Variants in RALGPS2 observed in about 807,000 individuals in gnomAD.
RALGPS2 encodes the protein ras-specific guanine nucleotide-releasing factor RalGPS2.
RALGPS2 carries 43 observed loss-of-function variants against 86.8 expected under a neutral mutation model. The ratio of observed to expected loss-of-function variants is 0.50; its 90% CI spans 0.39 to 0.64. The LOEUF (loss-of-function observed/expected upper bound fraction) is 0.64, where lower values mean the gene tolerates loss of function less well. Ranked by LOEUF, RALGPS2 falls within the 30% of genes least tolerant of loss-of-function variation. The pLI is 0.00. For synonymous variants in RALGPS2, 243 were observed against 231.3 expected (o/e 1.05, Z -0.46); for missense variants, 536 against 694.6 (o/e 0.77, Z 2.57).
At position 178,865,020 on chromosome 1, in the gene RALGPS2, G is replaced by A. The variant is rs138256408; in HGVS notation, c.608-12478G>A. ...TTGGTGGGAGAAGTTGCCAGATCAG[G>A]TGGTGGCATTAAATCTCTGGGATAA... On this transcript the variant is annotated intron_variant, in intron 8 of 19. Transcript: ENST00000367635. 1.4e-3 allele frequency: 2,101 copies of A among 1,484,212 alleles called. 4 individuals are homozygous for A. Among genetic ancestry groups the A allele is most frequent in the Middle Eastern group, 0.01 (56 of 5,508 alleles). 91.9% of individuals were successfully genotyped at this position (1,484,212 alleles called of 1,614,324 possible).
rs894535331 is a variant in RALGPS2, at chr1:178,877,421, C to A, written c.608-77C>A. The A allele has an allele frequency of 3.2e-6, 5 of 1,575,270 alleles. No homozygotes were observed. The African/African-American group carries it at 6.8e-5, about 22-fold the overall frequency. ...TACAGTGGAATATATCTATAAACAA[C>A]CCCTTCCCCCCTTTTCTTTGTCATA... On this transcript the variant is annotated intron_variant, in intron 8 of 19. Coordinates refer to ENST00000367635, the MANE Select transcript of RALGPS2 (RefSeq NM_152663.5).
Position 178,806,698 on chromosome 1 carries a change from G to T in RALGPS2, c.214-1347G>T, listed in dbSNP as rs141955764. Among the ~76,000 whole-genome samples the T allele has an allele frequency of 9.1e-3, 1,388 of 151,932 alleles. 25 individuals are homozygous for T. Among genetic ancestry groups the T allele is most frequent in the African/African-American group, 0.03 (1,223 of 41,440 alleles). The stretch of plus-strand genomic sequence containing the variant: ...AGTGGGTACAATGTCTTTTTCTCAT[G>T]TATTAAAAAATAATAATTATATGGT... On this transcript the variant is annotated intron_variant, in intron 4 of 19. Transcript: ENST00000367635.
intron 19 of RALGPS2, among the ~76,000 whole-genome samples, chr1:178,914,626 C>A (rs1399349626): frequency 6.6e-6 from 1 of 152,042 alleles, no homozygotes; most frequent in Admixed American, 6.6e-5. Flanking sequence ...GTGGGAGAAG[C>A]TCTTCCTGGC....
At chr1:178,897,621 C>T (rs1660004951) in intron 16 of RALGPS2, 43 bp from the exon 17 acceptor site, 21 of 1,489,184 alleles carry the variant, frequency 1.4e-5, no homozygotes, top group Non-Finnish European at 2.0e-5. Flanking sequence ...ACTAAGAAGC[C>T]AGGAGCATTG....
chr1:178,793,423 A>G (rs1418967034), intron 4 of RALGPS2, among the ~76,000 whole-genome samples: 1 of 147,232 alleles, frequency 6.8e-6, no homozygotes, highest in African/African-American at 2.5e-5. Context: ...TTTTTTTTTA[A>G]GAAATGGGGT....
In RALGPS2 at chr1:178,885,125, T is replaced by C. The variant is rs1219823604; in HGVS notation, c.954T>C (p.Ala318=). 6.2e-7 allele frequency: 1 copy of C among 1,612,834 alleles called. No individual in the cohort carries two copies. The highest frequency in any genetic ancestry group is 1.1e-5 in the South Asian group (1 of 90,820). ...AGAGTGGACGAAAAAGTGTGGCAGCTGAAGGAGCCTTGCTCCCACAGACAC... is the reference window on the plus strand; with the variant it reads ...AGAGTGGACGAAAAAGTGTGGCAGCCGAAGGAGCCTTGCTCCCACAGACAC... ...SPQSGRKSVA[A]EGALLPQTPP... is the part of the protein sequence containing the mutation. The change falls in exon 12 of 20, where the codon GCT becomes GCC. Residue 318 remains alanine (A), a synonymous_variant. Coordinates refer to ENST00000367635, the MANE Select transcript of RALGPS2 (RefSeq NM_152663.5).
intron 19 of RALGPS2, among the ~76,000 whole-genome samples, chr1:178,909,945 G>A (rs972974460): frequency 2.0e-5 from 3 of 152,060 alleles, no homozygotes; most frequent in Admixed American, 1.3e-4. Context: ...CACTGTGCCC[G>A]GCTTGTAATT....
At chr1:178,806,770 G>A (rs146344837) in intron 4 of RALGPS2, among the ~76,000 whole-genome samples, 21 of 151,802 alleles carry the variant, frequency 1.4e-4, no homozygotes, top group Middle Eastern at 3.4e-3. Context: ...GCCCTAACTC[G>A]TTCTCTGCCC....
chr1:178,830,201 T>C (rs1199209565), intron 7 of RALGPS2, among the ~76,000 whole-genome samples: 1 of 152,186 alleles, frequency 6.6e-6, no homozygotes, highest in Non-Finnish European at 1.5e-5. Context: ...GCAATTTAAA[T>C]TTGTCAGTTA....
intron 6 of RALGPS2, among the ~76,000 whole-genome samples, chr1:178,816,289 A>G (rs376457483): frequency 5.3e-5 from 8 of 151,716 alleles, no homozygotes; most frequent in African/African-American, 1.9e-4. Flanking sequence ...TGGGTGTGTA[A>G]TAGTATCTTA....
intron 8 of RALGPS2, among the ~76,000 whole-genome samples, chr1:178,864,666 A>G (rs1204791199): frequency 6.6e-6 from 1 of 152,170 alleles, no homozygotes; most frequent in Admixed American, 6.5e-5. Flanking sequence ...GGAGTGGAGC[A>G]TGTACTTATT....
At chr1:178,886,180 C>T (rs1659473878) in intron 13 of RALGPS2, 60 bp downstream of exon 13, 2 of 1,552,706 alleles carry the variant, frequency 1.3e-6, no homozygotes, top group East Asian at 4.6e-5. Flanking sequence ...GTTAATAAAA[C>T]TTGGCTGGAA....
rs532650178 is a variant in RALGPS2 at position 178,800,793 on chromosome 1, A to G, written c.214-7252A>G. Among the ~76,000 whole-genome samples the G allele has an allele frequency of 4.6e-5, 7 of 152,188 alleles. No individual in the cohort carries two copies. In the South Asian group the frequency reaches 6.2e-4, roughly 14 times the overall value. On this transcript the variant is annotated intron_variant, in intron 4 of 19. Coordinates refer to ENST00000367635, the MANE Select transcript of RALGPS2 (RefSeq NM_152663.5). Reference sequence around the variant, plus strand: ...GTCAACTGTATTTACTACTCTTTCTATATATGGTTGACTTAATTTCCCCAA... The same window carrying G: ...GTCAACTGTATTTACTACTCTTTCTGTATATGGTTGACTTAATTTCCCCAA...
intron 4 of RALGPS2, among the ~76,000 whole-genome samples, chr1:178,789,462 G>T (rs1166236635): frequency 1.3e-5 from 2 of 152,198 alleles, no homozygotes; most frequent in Non-Finnish European, 2.9e-5. Context: ...TATTATTGTT[G>T]TCGTATACAA....
chr1:178,784,484 G>A lies in RALGPS2; in HGVS notation c.124G>A (p.Val42Ile). ...SELKKSFDAV[V>I]FDVLKVTPEE... ...ATTGAAGAAAAGCTTTGATGCTGTG[G>A]TATTCGATGTTCTTAAGGTTACACC... The change falls in exon 3 of 20, where the codon GTA becomes ATA. Residue 42 changes from valine (V) to isoleucine (I), a missense_variant. Val to Ile is a conservative substitution (Grantham distance 29, BLOSUM62 3). This residue lies in a region of RALGPS2 where 184 missense variants were observed against 296.7 expected (regional missense o/e 0.62). Coordinates refer to ENST00000367635, the MANE Select transcript of RALGPS2 (RefSeq NM_152663.5). 1 of 1,605,634 alleles carries A rather than the reference G, an allele frequency of 6.2e-7. No individual in the cohort carries two copies.
chr1:178,823,046 G>T (rs770942480), intron 7 of RALGPS2, among the ~76,000 whole-genome samples: 3 of 152,052 alleles, frequency 2.0e-5, no homozygotes, highest in African/African-American at 7.2e-5. Flanking sequence ...GTTTTCGAAC[G>T]CCTGATCTCA....
chr1:178,757,051 G>A (rs993035816), intron 1 of RALGPS2, among the ~76,000 whole-genome samples: 1 of 152,020 alleles, frequency 6.6e-6, no homozygotes, highest in Admixed American at 6.6e-5. Context: ...TAGGTATTTT[G>A]TTGTTGTTGA....
At chr1:178,770,360 A>C (rs889129011) in intron 1 of RALGPS2, among the ~76,000 whole-genome samples, 37 of 152,106 alleles carry the variant, frequency 2.4e-4, no homozygotes, top group African/African-American at 8.2e-4. Context: ...GATATTTCCA[A>C]GTGGCTGATG....
intron 18 of RALGPS2, 126 bp downstream of exon 18, chr1:178,902,337 G>A: frequency 1.6e-6 from 1 of 633,530 alleles, no homozygotes; most frequent in Non-Finnish European, 2.6e-6. Flanking sequence ...AACTTGATGA[G>A]CCAAAACCTA....
Sources: allele counts gnomAD v4.1 joint callset (sites outside exome capture counted in the v4.1 genomes callset), GRCh38; gene constraint gnomAD v4.1.1; regional missense constraint gnomAD v4.1.1; transcripts MANE v1.5; gene names NCBI Gene and HGNC (gene_info 2026-07-23, HGNC 2026-07-21).